Variants in TRIM5 observed in about 807,000 individuals in gnomAD.
TRIM5 encodes tripartite motif-containing protein 5.
Under a neutral mutation model 35.6 loss-of-function variants are expected in TRIM5, and 31 were observed. That is an observed-to-expected ratio of 0.87 (90% CI 0.65 to 1.18). The LOEUF is 1.18. Among genes scored for constraint, TRIM5 ranks in the 50% most tolerant of loss-of-function variants. The pLI is 0.00. For synonymous variants in TRIM5, 243 were observed against 215.6 expected (o/e 1.13, Z -1.11); for missense variants, 609 against 591.6 (o/e 1.03, Z -0.31).
intron 4 of TRIM5, among the ~76,000 whole-genome samples, chr11:5,675,737 C>CATGT (rs1298816256): frequency 1.4e-5 from 2 of 147,448 alleles, no homozygotes; most frequent in Non-Finnish European, 3.0e-5. Flanking sequence ...TTTTAGAGTA[C>CATGT]ATGTGCACAT....
At chr11:5,605,152 C>T in the TRIM5 span, 1 of 766,980 alleles carries the variant, frequency 1.3e-6, no homozygotes, top group Non-Finnish European at 2.1e-6. Flanking sequence ...ATGGTCTGGG[C>T]AGAGCTGAAG....
downstream of TRIM5, among the ~76,000 whole-genome samples, chr11:5,662,002 C>G (rs577721103): frequency 6.6e-6 from 1 of 152,296 alleles, no homozygotes; most frequent in African/African-American, 2.4e-5. Flanking sequence ...CAAGCTAGTC[C>G]AGACTGTTCC....
Position 5,664,336 on chromosome 11 carries a change from C to G in TRIM5, c.*473G>C, listed in dbSNP as rs1850967568. 1 of 989,682 alleles carries G rather than the reference C, an allele frequency of 1.0e-6. No homozygotes were observed. The highest frequency in any genetic ancestry group is 1.7e-5 in the African/African-American group (1 of 57,208). The allele number at this position is 989,682 out of a possible 1,614,324, so 61.3% of individuals were successfully genotyped here. On this transcript the variant is annotated 3_prime_UTR_variant, in exon 8 of 8. Transcript: ENST00000380034. The stretch of plus-strand genomic sequence containing the variant: ...ATCCTCTAGATACAAAACCTCTATA[C>G]TTAAGAGTATACCATTTATGATATT...
chr11:5,670,263 T>C lies in TRIM5; in HGVS notation c.745-2552A>G, dbSNP rs185655991. Among the ~76,000 whole-genome samples, 1,347 of 143,532 alleles carry C rather than the reference T, an allele frequency of 9.4e-3. 10 individuals are homozygous for C. Among genetic ancestry groups the C allele is most frequent in the Admixed American group, 0.015 (202 of 13,830 alleles). 94.2% of individuals were successfully genotyped at this position (143,532 alleles called of 152,430 possible). A position where few individuals can be genotyped will look rare whatever the true frequency, so the allele number is the denominator to read the frequency against. ...TGCGATCTCAGCTCACTGCAAGCTC[T>C]GCCTCCTGGGTTCATGCCATTCTCC... On this transcript the variant is annotated intron_variant, in intron 4 of 7. Coordinates refer to ENST00000380034, the MANE Select transcript of TRIM5 (RefSeq NM_033034.3).
chr11:5,659,721 C>T (rs568287010), downstream of TRIM5, among the ~76,000 whole-genome samples: 10 of 151,340 alleles, frequency 6.6e-5, no homozygotes, highest in South Asian at 1.9e-3. Flanking sequence ...TTTGTAAGCT[C>T]CTGTTCTGGA....
At chr11:5,618,847 T>A in the TRIM5 span, among the ~76,000 whole-genome samples, 306 of 152,240 alleles carry the variant, frequency 2.0e-3, 1 homozygote, top group Non-Finnish European at 3.1e-3. Flanking sequence ...AGGACACAAA[T>A]CTCATTAAGG....
the TRIM5 span, chr11:5,645,614 A>T: frequency 1.3e-5 from 2 of 156,120 alleles, no homozygotes; most frequent in Non-Finnish European, 2.8e-5. Context: ...AGTGCATAGA[A>T]TGAGAGTACT....
In TRIM5 at chr11:5,675,442, G is replaced by C. The variant is rs190736090; in HGVS notation, c.744+2762C>G. On this transcript the variant is annotated intron_variant, in intron 4 of 7. Transcript: ENST00000380034. ...TGATTTACCTGACCCCAGGAAGCAGGAATGAGGGAGCAGGGAGGTAAGACA... is the reference window on the plus strand; with the variant it reads ...TGATTTACCTGACCCCAGGAAGCAGCAATGAGGGAGCAGGGAGGTAAGACA... Among the ~76,000 whole-genome samples, 603 of 152,146 alleles carry C rather than the reference G, an allele frequency of 4.0e-3. 5 individuals are homozygous for C. The highest frequency in any genetic ancestry group is 0.014 in the African/African-American group (586 of 41,504).
chr11:5,604,411 T>C, the TRIM5 span: 1 of 1,088,624 alleles, frequency 9.2e-7, no homozygotes, highest in Non-Finnish European at 1.3e-6. Flanking sequence ...CTCTCAAGTT[T>C]TCATCCTAGG....
At chr11:5,595,902 C>T in the TRIM5 span, among the ~76,000 whole-genome samples, 1 of 152,054 alleles carries the variant, frequency 6.6e-6, no homozygotes, top group Non-Finnish European at 1.5e-5. Context: ...GGGATGGTCT[C>T]AATCTCCTGA....
chr11:5,611,388 A>G, the TRIM5 span: 5 of 1,410,168 alleles, frequency 3.5e-6, no homozygotes, highest in South Asian at 6.3e-5. Context: ...CCTGAGGCTT[A>G]TCAGCATGTG....
chr11:5,626,427 T>A, the TRIM5 span, among the ~76,000 whole-genome samples: 1 of 152,220 alleles, frequency 6.6e-6, no homozygotes, highest in Non-Finnish European at 1.5e-5. Context: ...CAACTTTAAA[T>A]AGTTTTTATG....
the TRIM5 span, among the ~76,000 whole-genome samples, chr11:5,632,021 A>G: frequency 6.6e-6 from 1 of 152,198 alleles, no homozygotes; most frequent in African/African-American, 2.4e-5. Context: ...AAAAAAGTAT[A>G]AACGAAAGTC....
At chr11:5,615,696 T>C in the TRIM5 span, among the ~76,000 whole-genome samples, 29,279 of 151,294 alleles carry the variant, frequency 0.19, 2,912 homozygotes, top group East Asian at 0.3. Context: ...TGGGTTTAAG[T>C]GATTCTCCTG....
the TRIM5 span, among the ~76,000 whole-genome samples, chr11:5,609,075 C>G: frequency 0.014 from 2,070 of 151,990 alleles, 51 homozygotes; most frequent in African/African-American, 0.047. Flanking sequence ...GTCTCAATTC[C>G]AGTAAAAACG....
At chr11:5,642,376 T>TG in the TRIM5 span, 2 of 1,597,948 alleles carry the variant, frequency 1.3e-6, no homozygotes, top group Non-Finnish European at 1.7e-6. Context: ...ATGAGAGATG[T>TG]GGGGGTCAAA....
chr11:5,611,046 G>C, the TRIM5 span: 30 of 1,614,176 alleles, frequency 1.9e-5, no homozygotes, highest in African/African-American at 3.5e-4. Flanking sequence ...AAATCACAGT[G>C]CTTACTCCAG....
At chr11:5,633,829 G>A in the TRIM5 span, 9 of 1,614,036 alleles carry the variant, frequency 5.6e-6, no homozygotes, top group African/African-American at 1.3e-5. Context: ...GTCCTCAAGA[G>A]GCTGAAGAAG....
the TRIM5 span, among the ~76,000 whole-genome samples, chr11:5,630,247 ATG>A: frequency 1.3e-5 from 2 of 152,150 alleles, no homozygotes; most frequent in Admixed American, 1.3e-4. Context: ...GGTGATGGCG[ATG>A]TGTTTTTTAT....
Sources: allele counts gnomAD v4.1 joint callset (sites outside exome capture counted in the v4.1 genomes callset), GRCh38; gene constraint gnomAD v4.1.1; transcripts MANE v1.5; gene names NCBI Gene and HGNC (gene_info 2026-07-23, HGNC 2026-07-21).